ZFHX3: variants seen among roughly 807,000 people sequenced by gnomAD.
The protein encoded by ZFHX3 is zinc finger homeobox 3.
A neutral mutation model predicts 279.1 loss-of-function variants in ZFHX3; 42 were observed. That is an observed-to-expected ratio of 0.15 (90% CI 0.12 to 0.19). The LOEUF (loss-of-function observed/expected upper bound fraction) is 0.19, where lower values mean the gene tolerates loss of function less well. Among genes scored for constraint, ZFHX3 ranks in the 10% least tolerant of loss-of-function variants. The pLI is 1.00. For missense variants in ZFHX3, 4,981 were observed against 4,754.0 expected (o/e 1.05, Z -1.40); for synonymous variants, 2,293 against 1,957.8 (o/e 1.17, Z -4.52).
chr16:73,169,006 AACT>A (rs1967459042), intron 5 of ZFHX3, among the ~76,000 whole-genome samples: 1 of 152,162 alleles, frequency 6.6e-6, no homozygotes, highest in African/African-American at 2.4e-5. Context: ...TTATTTTTAG[AACT>A]ATTGTTTGGT....
intron 2 of ZFHX3, among the ~76,000 whole-genome samples, chr16:73,655,777 A>C (rs2142170093): frequency 6.6e-6 from 1 of 152,288 alleles, no homozygotes; most frequent in African/African-American, 2.4e-5. Flanking sequence ...ATAAAACAAA[A>C]AAACCACCTT....
chr16:73,197,924 GTTTTTTTTTTTTTT>G (rs71156148), intron 5 of ZFHX3, among the ~76,000 whole-genome samples: 31 of 53,786 alleles, frequency 5.8e-4, no homozygotes, highest in East Asian at 1.3e-3. Flanking sequence ...TGATTTGGTG[GTTTTTTTTTTTTTT>G]TTTTTTTTTT....
At chr16:73,692,230 C>A (rs536234779) in intron 1 of ZFHX3, among the ~76,000 whole-genome samples, 2 of 152,052 alleles carry the variant, frequency 1.3e-5, no homozygotes, top group Non-Finnish European at 2.9e-5. Context: ...AATGATAGTG[C>A]GTAGGAGGGC....
rs115777621 is a variant in ZFHX3, at chr16:73,632,064, G to A, written c.-1547+48116C>T. 8.4e-3 allele frequency among the ~76,000 whole-genome samples: 1,274 copies of A among 152,190 alleles called. 9 individuals carry two copies. The highest frequency in any genetic ancestry group is 0.029 in the African/African-American group (1,205 of 41,506). Reference sequence around the variant, plus strand: ...TAACTAAAAAATGAAAAGAGGAGCTGGGAAGAAAGAAAATGGCCTAGGACA... The same window carrying A: ...TAACTAAAAAATGAAAAGAGGAGCTAGGAAGAAAGAAAATGGCCTAGGACA... On this transcript the variant is annotated intron_variant, in intron 2 of 17. Coordinates refer to the ZFHX3 transcript ENST00000641206.
In ZFHX3 at chr16:72,958,451, G is replaced by C. The variant is rs773094432; in HGVS notation, c.1695C>G (p.Asn565Lys). 6.2e-7 allele frequency: 1 copy of C among 1,614,024 alleles called. No homozygotes were observed. The highest frequency in any genetic ancestry group is 1.3e-5 in the African/African-American group (1 of 74,924). ...TGTTAAAGCTTAAACGATTCCTCCT[G>C]TTCGCACCATCAAAGACAACAAAGG... is the stretch of plus-strand genomic sequence containing the variant. ...ASSFVVFDGA[N>K]RRNRLSFNSE... The change falls in exon 2 of 10, where the codon AAC (asparagine) becomes AAG (lysine). Residue 565 changes from asparagine to lysine, a missense_variant. Coordinates refer to ENST00000268489, the MANE Select transcript of ZFHX3 (RefSeq NM_006885.4).
intron 1 of ZFHX3, among the ~76,000 whole-genome samples, chr16:73,743,805 G>C (rs998272633): frequency 3.3e-5 from 5 of 152,058 alleles, no homozygotes; most frequent in African/African-American, 1.2e-4. Flanking sequence ...ATGATGGACA[G>C]AGCCCTCAGA....
intron 5 of ZFHX3, among the ~76,000 whole-genome samples, chr16:73,205,312 T>C (rs2011758291): frequency 6.6e-6 from 1 of 152,208 alleles, no homozygotes; most frequent in African/African-American, 2.4e-5. Flanking sequence ...TGACTATACA[T>C]AAATTAGTCT....
intron 4 of ZFHX3, among the ~76,000 whole-genome samples, chr16:72,847,745 C>T (rs1014764960): frequency 4.0e-5 from 6 of 151,868 alleles, no homozygotes; most frequent in East Asian, 2.0e-4. Flanking sequence ...AACAAGCAGA[C>T]GCAAAGCAGG....
intron 1 of ZFHX3, among the ~76,000 whole-genome samples, chr16:73,868,499 G>C (rs1005225195): frequency 7.2e-5 from 11 of 152,210 alleles, no homozygotes; most frequent in Non-Finnish European, 1.6e-4. Flanking sequence ...ACTCCAGCCT[G>C]GGCAACAGAG....
intron 2 of ZFHX3, among the ~76,000 whole-genome samples, chr16:73,677,940 C>A (rs1202877234): frequency 1.3e-5 from 2 of 151,940 alleles, no homozygotes; most frequent in Non-Finnish European, 2.9e-5. Flanking sequence ...TCTATGTCCT[C>A]CAATGGAATG....
At position 72,788,028 on chromosome 16, in the gene ZFHX3, T is replaced by G. The variant is rs1197736437; in HGVS notation, c.10248A>C (p.Lys3416Asn). The G allele has an allele frequency of 3.1e-6, 5 of 1,613,146 alleles. No individual in the cohort carries two copies. The highest frequency in any genetic ancestry group is 3.4e-6 in the Non-Finnish European group (4 of 1,179,966). Residue 3416 changes from lysine (K) to asparagine (N), a missense_variant, in exon 10 of 10, where the codon AAA (lysine) becomes AAC (asparagine). By Grantham distance (94) the Lys-to-Asn change is moderately conservative (BLOSUM62 0). This residue lies in a region of ZFHX3 where 1,034 missense variants were observed against 786.0 expected (regional missense o/e 1.32). Transcript: ENST00000268489. Reference sequence around the variant, plus strand: ...TCTGTTCTTCTGGTTTGGGGGATTCTTTGGCAGGGTCTTTGTCTGGGGAAG... The same window carrying G: ...TCTGTTCTTCTGGTTTGGGGGATTCGTTGGCAGGGTCTTTGTCTGGGGAAG... ...GAPSPDKDPA[K>N]ESPKPEEQKN...
chr16:73,158,935 G>T (rs1389673701), intron 5 of ZFHX3, among the ~76,000 whole-genome samples: 2 of 152,090 alleles, frequency 1.3e-5, no homozygotes, highest in Non-Finnish European at 2.9e-5. Context: ...AACTCAAGAT[G>T]GATTAAAGAC....
At chr16:73,124,580 A>G (rs1966539358) in intron 7 of ZFHX3, among the ~76,000 whole-genome samples, 5 of 152,206 alleles carry the variant, frequency 3.3e-5, no homozygotes, top group Admixed American at 3.3e-4. Context: ...TAGCAACGGT[A>G]ACAGTGACAG....
intron 1 of ZFHX3, among the ~76,000 whole-genome samples, chr16:73,777,663 T>A (rs1403660765): frequency 6.6e-6 from 1 of 152,162 alleles, no homozygotes; most frequent in African/African-American, 2.4e-5. Context: ...TAACAATGGC[T>A]GATACCCAAT....
At chr16:73,701,531 T>A (rs1173212444) in intron 1 of ZFHX3, among the ~76,000 whole-genome samples, 2 of 152,192 alleles carry the variant, frequency 1.3e-5, no homozygotes, top group African/African-American at 4.8e-5. Context: ...TGTAATACAA[T>A]CTCTTCCAGA....
At chr16:72,818,628 C>T (rs1007817111) in intron 5 of ZFHX3, among the ~76,000 whole-genome samples, 1 of 152,150 alleles carries the variant, frequency 6.6e-6, no homozygotes, top group Non-Finnish European at 1.5e-5. Context: ...AGCAGATGCA[C>T]GCACATGTTC....
chr16:72,886,288 G>C (rs1006979539), intron 4 of ZFHX3, among the ~76,000 whole-genome samples: 5 of 152,010 alleles, frequency 3.3e-5, no homozygotes, highest in Non-Finnish European at 7.4e-5. Context: ...AGGGAGTAGG[G>C]GAGAGAGCAA....
chr16:73,098,140 T>A (rs939000120), intron 7 of ZFHX3, among the ~76,000 whole-genome samples: 4 of 151,068 alleles, frequency 2.6e-5, no homozygotes, highest in Non-Finnish European at 5.9e-5. Flanking sequence ...CGATCTCAGA[T>A]CACTGAAACC....
At chr16:73,497,841 C>T (rs2019168007) in intron 2 of ZFHX3, among the ~76,000 whole-genome samples, 1 of 152,086 alleles carries the variant, frequency 6.6e-6, no homozygotes, top group Non-Finnish European at 1.5e-5. Context: ...AAGGTGATGC[C>T]TTGTAATATG....
Sources: allele counts gnomAD v4.1 joint callset (sites outside exome capture counted in the v4.1 genomes callset), GRCh38; gene constraint gnomAD v4.1.1; regional missense constraint gnomAD v4.1.1; transcripts MANE v1.5; gene names NCBI Gene and HGNC (gene_info 2026-07-23, HGNC 2026-07-21).